Variants in TPD52L1 observed in about 807,000 individuals in gnomAD.
The protein encoded by TPD52L1 is tumor protein D53.
In TPD52L1, 18 loss-of-function variants were observed where a neutral mutation model predicts 28.7. That is an observed-to-expected ratio of 0.63 (90% confidence interval 0.43 to 0.93). The LOEUF is 0.93. Among genes scored for constraint, TPD52L1 ranks in the 40% least tolerant of loss-of-function variants. The probability of loss-of-function intolerance (pLI) is 0.00; values close to 1 mark genes in which losing one functional copy is unlikely to be tolerated. For missense variants in TPD52L1, 203 were observed against 254.8 expected (o/e 0.80, Z 1.39); for synonymous variants, 75 against 88.8 (o/e 0.84, Z 0.88).
intron 4 of TPD52L1, among the ~76,000 whole-genome samples, chr6:125,249,744 C>G (rs1255602760): frequency 6.7e-6 from 1 of 149,452 alleles, no homozygotes; most frequent in African/African-American, 2.5e-5. Context: ...AGGCAAATAT[C>G]TTCCTAACTT....
intron 1 of TPD52L1, chr6:125,154,462 TC>T (rs1240081984): frequency 2.0e-6 from 2 of 985,890 alleles, no homozygotes; most frequent in East Asian, 1.1e-4. Flanking sequence ...GCGAGACGCT[TC>T]CCGCTCGGGG....
chr6:125,202,035 G>C (rs1048097350), intron 1 of TPD52L1, among the ~76,000 whole-genome samples: 1 of 152,148 alleles, frequency 6.6e-6, no homozygotes, highest in Non-Finnish European at 1.5e-5. Context: ...AATGCTTTTT[G>C]AATGTTCAGG....
At chr6:125,241,685 A>C (rs1796620653) in intron 3 of TPD52L1, among the ~76,000 whole-genome samples, 1 of 151,828 alleles carries the variant, frequency 6.6e-6, no homozygotes, top group African/African-American at 2.4e-5. Flanking sequence ...TTTCATTTCT[A>C]ATTGAGCTTC....
intron 1 of TPD52L1, among the ~76,000 whole-genome samples, chr6:125,183,654 G>A (rs140820219): frequency 2.0e-5 from 3 of 152,164 alleles, no homozygotes; most frequent in African/African-American, 7.2e-5. Context: ...TAATGAAAAC[G>A]ATGAACAAAA....
intron 1 of TPD52L1, among the ~76,000 whole-genome samples, chr6:125,213,188 G>C (rs78491080): frequency 6.6e-6 from 1 of 152,066 alleles, no homozygotes; most frequent in Non-Finnish European, 1.5e-5. Context: ...AAAATATTAG[G>C]CCTAGTCCAT....
At chr6:125,259,297 C>T (rs1005215955) in intron 6 of TPD52L1, among the ~76,000 whole-genome samples, 2 of 152,182 alleles carry the variant, frequency 1.3e-5, no homozygotes, top group African/African-American at 4.8e-5. Context: ...AAATAAGGTT[C>T]TGCTATAAAG....
intron 5 of TPD52L1, 163 bp downstream of exon 5, chr6:125,253,918 G>A: frequency 1.2e-6 from 1 of 801,522 alleles, no homozygotes; most frequent in East Asian, 2.4e-5. Flanking sequence ...TGCGTAGCTT[G>A]GGCTTTTGAC....
At chr6:125,158,351 A>T (rs1432151816) in intron 1 of TPD52L1, among the ~76,000 whole-genome samples, 1 of 152,182 alleles carries the variant, frequency 6.6e-6, no homozygotes, top group Non-Finnish European at 1.5e-5. Flanking sequence ...TTTAAATGAA[A>T]ATGTCATTAT....
intron 1 of TPD52L1, among the ~76,000 whole-genome samples, chr6:125,172,205 C>CCT (rs1791448427): frequency 1.0e-5 from 1 of 98,902 alleles, no homozygotes; most frequent in Non-Finnish European, 2.1e-5. Context: ...TTCTTTCTTT[C>CCT]TTCTTTCTTT....
At chr6:125,200,876 C>T (rs1325552991) in intron 1 of TPD52L1, among the ~76,000 whole-genome samples, 1 of 152,172 alleles carries the variant, frequency 6.6e-6, no homozygotes, top group Non-Finnish European at 1.5e-5. Flanking sequence ...GGGTGGCCAA[C>T]TCAAACATGC....
intron 2 of TPD52L1, among the ~76,000 whole-genome samples, chr6:125,226,676 C>T (rs1472355857): frequency 1.3e-5 from 2 of 151,482 alleles, no homozygotes; most frequent in Non-Finnish European, 2.9e-5. Context: ...CCACCCCCGC[C>T]GAGAAAAAAC....
chr6:125,191,583 G>A (rs1793046416), intron 1 of TPD52L1, among the ~76,000 whole-genome samples: 1 of 152,178 alleles, frequency 6.6e-6, no homozygotes, highest in African/African-American at 2.4e-5. Flanking sequence ...GAACGGCAGT[G>A]TTTTCTACTT....
chr6:125,238,849 A>G (rs760392397), intron 3 of TPD52L1, among the ~76,000 whole-genome samples: 1 of 152,258 alleles, frequency 6.6e-6, no homozygotes, highest in Non-Finnish European at 1.5e-5. Context: ...GTTATATTTT[A>G]TATCACATTT....
rs536833440 is a variant in TPD52L1 at position 125,185,894 on chromosome 6, A to ATTTTTTTTTTTTT, written c.19+31929_19+31941dup. Among the ~76,000 whole-genome samples, 6 of 130,460 alleles carry ATTTTTTTTTTTTT rather than the reference A, an allele frequency of 4.6e-5. 2 individuals are homozygous for ATTTTTTTTTTTTT. Among genetic ancestry groups the ATTTTTTTTTTTTT allele is most frequent in the Middle Eastern group, 8.8e-3 (2 of 226 alleles). The allele number at this position is 130,460 out of a possible 152,430, so 85.6% of individuals were successfully genotyped here. The stretch of plus-strand genomic sequence containing the variant: ...CCATGTATAACTTTTTGGAAATTTG[A>ATTTTTTTTTTTTT]TTTTTTTTTTTTTTTTTGAGACAGA... On this transcript the variant is annotated intron_variant, in intron 1 of 6. Coordinates refer to ENST00000534000, the MANE Select transcript of TPD52L1 (RefSeq NM_003287.4).
At chr6:125,160,111 C>T (rs544822032) in intron 1 of TPD52L1, among the ~76,000 whole-genome samples, 1 of 152,246 alleles carries the variant, frequency 6.6e-6, no homozygotes, top group South Asian at 2.1e-4. Flanking sequence ...TCCATTAAAC[C>T]TCTTTTTCTT....
intron 1 of TPD52L1, among the ~76,000 whole-genome samples, chr6:125,169,368 C>T (rs529333567): frequency 6.6e-6 from 1 of 152,264 alleles, no homozygotes; most frequent in South Asian, 2.1e-4. Flanking sequence ...CCTCACTTCT[C>T]AACTTCAGAC....
chr6:125,243,889 G>T (rs911433437), intron 3 of TPD52L1, among the ~76,000 whole-genome samples: 5 of 152,016 alleles, frequency 3.3e-5, no homozygotes, highest in African/African-American at 1.2e-4. Flanking sequence ...TTTATTACTA[G>T]AATTACTTTT....
At chr6:125,155,166 T>A (rs2114718957) in intron 1 of TPD52L1, among the ~76,000 whole-genome samples, 1 of 152,384 alleles carries the variant, frequency 6.6e-6, no homozygotes, top group South Asian at 2.1e-4. Flanking sequence ...TAGGAAATGA[T>A]AATTCAACCA....
chr6:125,220,001 C>T lies in TPD52L1; in HGVS notation c.20-77C>T, dbSNP rs143328347. Reference sequence around the variant, plus strand: ...GGGAGGGTCTGTCAGTGCATCTAGTCCTCCACACTATGGAAGCAGAAGTTG... The same window carrying T: ...GGGAGGGTCTGTCAGTGCATCTAGTTCTCCACACTATGGAAGCAGAAGTTG... On this transcript the variant is annotated intron_variant, in intron 1 of 6. Transcript: ENST00000534000. The T allele has an allele frequency of 4.9e-6, 5 of 1,027,500 alleles. No individual in the cohort carries two copies. The East Asian group carries it at 1.2e-4, about 24-fold the overall frequency. The allele number at this position is 1,027,500 out of a possible 1,614,324, so 63.6% of individuals were successfully genotyped here.
Sources: allele counts gnomAD v4.1 joint callset (sites outside exome capture counted in the v4.1 genomes callset), GRCh38; gene constraint gnomAD v4.1.1; transcripts MANE v1.5; gene names NCBI Gene and HGNC (gene_info 2026-07-23, HGNC 2026-07-21).